ADAMTS19: variants seen among roughly 807,000 people sequenced by gnomAD.
The protein encoded by ADAMTS19 is A disintegrin and metalloproteinase with thrombospondin motifs 19.
In ADAMTS19, 93 loss-of-function variants were observed where a neutral mutation model predicts 153.3. The ratio of observed to expected loss-of-function variants is 0.61; its 90% CI spans 0.51 to 0.72. The LOEUF is 0.72. Among genes scored for constraint, ADAMTS19 ranks in the 30% least tolerant of loss-of-function variants. The pLI is 0.00. For synonymous variants in ADAMTS19, 600 were observed against 556.6 expected, an observed-to-expected ratio of 1.08 and a Z score of -1.10; for missense variants, 1,482 against 1,552.1, an observed-to-expected ratio of 0.95 and a Z score of 0.76.
chr5:129,486,199 T>G (rs909800836), intron 2 of ADAMTS19, among the ~76,000 whole-genome samples: 1 of 152,180 alleles, frequency 6.6e-6, no homozygotes, highest in African/African-American at 2.4e-5. Context: ...TAGAAATTCT[T>G]TAAGAAATTT....
intron 7 of ADAMTS19, among the ~76,000 whole-genome samples, chr5:129,585,309 G>A (rs1261323626): frequency 2.6e-5 from 4 of 151,796 alleles, no homozygotes; most frequent in African/African-American, 4.8e-5. Context: ...CGTTGATCTG[G>A]CTGGGAGCTG....
At chr5:129,670,311 C>A (rs1201285567) in intron 16 of ADAMTS19, among the ~76,000 whole-genome samples, 1 of 152,068 alleles carries the variant, frequency 6.6e-6, no homozygotes, top group Non-Finnish European at 1.5e-5. Context: ...CAAAGTCTGG[C>A]ACACAGGAAA....
At chr5:129,612,028 T>A (rs3979146) in intron 8 of ADAMTS19, among the ~76,000 whole-genome samples, 100,613 of 151,234 alleles carry the variant, frequency 0.67, 35,541 homozygotes, top group Non-Finnish European at 0.79. Context: ...CAATGTGCAG[T>A]TTGTTACATA....
chr5:129,484,210 A>G (rs1750514871), intron 2 of ADAMTS19, among the ~76,000 whole-genome samples: 1 of 152,220 alleles, frequency 6.6e-6, no homozygotes, highest in Non-Finnish European at 1.5e-5. Context: ...TTATAAAACT[A>G]TTAGATTACA....
intron 10 of ADAMTS19, among the ~76,000 whole-genome samples, chr5:129,628,217 C>T (rs1322844699): frequency 6.6e-6 from 1 of 151,968 alleles, no homozygotes; most frequent in Non-Finnish European, 1.5e-5. Flanking sequence ...AACCAAATAC[C>T]ATTTGTTCTC....
intron 10 of ADAMTS19, among the ~76,000 whole-genome samples, chr5:129,627,809 G>T (rs1330007172): frequency 1.3e-5 from 2 of 152,180 alleles, no homozygotes; most frequent in South Asian, 2.1e-4. Context: ...TGGTGAGGTT[G>T]CAGAGAAAAG....
At chr5:129,703,549 A>G (rs1457618141) in intron 20 of ADAMTS19, among the ~76,000 whole-genome samples, 1 of 152,160 alleles carries the variant, frequency 6.6e-6, no homozygotes, top group Non-Finnish European at 1.5e-5. Flanking sequence ...CCCAGCCAAC[A>G]TGGCAAATCC....
At chr5:129,578,143 T>C (rs903892735) in intron 7 of ADAMTS19, among the ~76,000 whole-genome samples, 1 of 129,878 alleles carries the variant, frequency 7.7e-6, no homozygotes, top group Non-Finnish European at 1.7e-5. Flanking sequence ...TATACCTATA[T>C]GCATGTATAT....
At chr5:129,579,064 T>A (rs2126881234) in intron 7 of ADAMTS19, among the ~76,000 whole-genome samples, 1 of 152,332 alleles carries the variant, frequency 6.6e-6, no homozygotes, top group South Asian at 2.1e-4. Context: ...ACCAACAGTA[T>A]AAAAGCATTC....
At chr5:129,686,822 T>C in intron 18 of ADAMTS19, among the ~76,000 whole-genome samples, 1 of 152,070 alleles carries the variant, frequency 6.6e-6, no homozygotes, top group Non-Finnish European at 1.5e-5. Context: ...TAAAAAGTGG[T>C]TACAACAAAA....
chr5:129,546,993 T>C (rs1470679203), intron 6 of ADAMTS19, among the ~76,000 whole-genome samples: 3 of 150,978 alleles, frequency 2.0e-5, no homozygotes, highest in African/African-American at 7.4e-5. Flanking sequence ...TTAGACATTC[T>C]AAGGATATGT....
At chr5:129,525,640 G>T (rs1751981438) in intron 3 of ADAMTS19, among the ~76,000 whole-genome samples, 1 of 151,898 alleles carries the variant, frequency 6.6e-6, no homozygotes, top group Admixed American at 6.6e-5. Flanking sequence ...AAAACATTTG[G>T]ACATGTTTTA....
At chr5:129,561,524 A>G (rs145319221) in intron 7 of ADAMTS19, among the ~76,000 whole-genome samples, 7,554 of 150,114 alleles carry the variant, frequency 0.05, 285 homozygotes, top group East Asian at 0.19. Flanking sequence ...TGACAGAGCG[A>G]GACTCCGTCT....
intron 16 of ADAMTS19, among the ~76,000 whole-genome samples, chr5:129,679,436 T>C (rs1051468166): frequency 6.6e-6 from 1 of 152,174 alleles, no homozygotes; most frequent in Non-Finnish European, 1.5e-5. Context: ...ACTAAATAGA[T>C]ACACATAGCC....
chr5:129,631,750 C>T (rs1752307434), intron 10 of ADAMTS19, among the ~76,000 whole-genome samples: 1 of 151,644 alleles, frequency 6.6e-6, no homozygotes, highest in Non-Finnish European at 1.5e-5. Flanking sequence ...TTCAACTGAG[C>T]CTCTTGTAGT....
At chr5:129,731,010 G>A (rs534162236) in intron 21 of ADAMTS19, among the ~76,000 whole-genome samples, 36 of 152,144 alleles carry the variant, frequency 2.4e-4, no homozygotes, top group Non-Finnish European at 4.7e-4. Context: ...CCAGGCTGGA[G>A]TGCAGTGGCA....
intron 10 of ADAMTS19, among the ~76,000 whole-genome samples, chr5:129,634,992 C>T (rs1008080792): frequency 4.6e-5 from 7 of 151,852 alleles, no homozygotes; most frequent in African/African-American, 1.7e-4. Flanking sequence ...AGACAGCCTA[C>T]AGAGTGGGAG....
At chr5:129,689,435 T>TC (rs1755235137) in intron 18 of ADAMTS19, among the ~76,000 whole-genome samples, 1 of 152,208 alleles carries the variant, frequency 6.6e-6, no homozygotes. Context: ...TACTTTTTTT[T>TC]CTTTTTGAGA....
At chr5:129,504,105 T>A (rs1386205415) in intron 2 of ADAMTS19, among the ~76,000 whole-genome samples, 2 of 152,170 alleles carry the variant, frequency 1.3e-5, no homozygotes, top group Admixed American at 6.5e-5. Context: ...ATTATATGAG[T>A]TTATTTTATT....
Sources: allele counts gnomAD v4.1 joint callset (sites outside exome capture counted in the v4.1 genomes callset), GRCh38; gene constraint gnomAD v4.1.1; transcripts MANE v1.5; gene names NCBI Gene and HGNC (gene_info 2026-07-23, HGNC 2026-07-21).